MRAS: variants seen among roughly 807,000 people sequenced by gnomAD.
The protein encoded by MRAS is ras-related protein M-Ras.
In MRAS, 4 loss-of-function variants were observed where a neutral mutation model predicts 20.9. That is an observed-to-expected ratio of 0.19 (90% CI 0.09 to 0.44). The LOEUF (loss-of-function observed/expected upper bound fraction) is 0.44. Among genes scored for constraint, MRAS ranks in the 20% least tolerant of loss-of-function variants. The pLI, the probability that MRAS is intolerant of heterozygous loss-of-function variation, is 0.99. For missense variants in MRAS, 154 were observed against 277.5 expected (o/e 0.56, Z 3.16); for synonymous variants, 98 against 102.9 (o/e 0.95, Z 0.29).
intron 2 of MRAS, among the ~76,000 whole-genome samples, chr3:138,392,174 T>G (rs1055940710): frequency 1.3e-5 from 2 of 152,194 alleles, no homozygotes; most frequent in African/African-American, 4.8e-5. Flanking sequence ...TGTTCACTAT[T>G]GGAATGTAAA....
chr3:138,386,428 G>A (rs1389269166), intron 2 of MRAS, among the ~76,000 whole-genome samples: 1 of 152,226 alleles, frequency 6.6e-6, no homozygotes, highest in African/African-American at 2.4e-5. Context: ...TGCTGCTGCA[G>A]TGTGTATCAG....
intron 2 of MRAS, among the ~76,000 whole-genome samples, chr3:138,390,683 G>A (rs550242902): frequency 1.3e-5 from 2 of 152,158 alleles, no homozygotes; most frequent in South Asian, 2.1e-4. Context: ...GTGTGGAGGG[G>A]TGGGCTAGAC....
At chr3:138,394,511 T>C (rs253664) in intron 2 of MRAS, among the ~76,000 whole-genome samples, 128,673 of 152,132 alleles carry the variant, frequency 0.85, 54,682 homozygotes, top group East Asian at 0.98. Context: ...CAGGCATCGC[T>C]GGATAGCTTG....
At chr3:138,373,325 G>A (rs2054713982) in intron 2 of MRAS, among the ~76,000 whole-genome samples, 1 of 152,236 alleles carries the variant, frequency 6.6e-6, no homozygotes, top group Non-Finnish European at 1.5e-5. Context: ...TGCCAACTCA[G>A]TGATGTCATG....
intron 2 of MRAS, among the ~76,000 whole-genome samples, chr3:138,382,468 C>T (rs983322104): frequency 2.6e-5 from 4 of 152,190 alleles, no homozygotes; most frequent in Admixed American, 6.5e-5. Flanking sequence ...TCCAGGTGAG[C>T]GCAGCTGCTC....
intron 1 of MRAS, chr3:138,349,810 G>A (rs2054190613): frequency 6.6e-6 from 1 of 152,226 alleles, no homozygotes; most frequent in South Asian, 2.1e-4. Context: ...AAACTCCACT[G>A]TAATAACAGC....
chr3:138,400,793 TG>T (rs1160583284), intron 5 of MRAS, among the ~76,000 whole-genome samples, 180 bp downstream of exon 5: 1 of 152,180 alleles, frequency 6.6e-6, no homozygotes, highest in African/African-American at 2.4e-5. Flanking sequence ...CACCTACCTC[TG>T]CCCTCCCCGC....
At chr3:138,359,163 T>C (rs2054395587) in intron 1 of MRAS, among the ~76,000 whole-genome samples, 1 of 152,012 alleles carries the variant, frequency 6.6e-6, no homozygotes. Context: ...GGAGAAAAAA[T>C]GCAGCAGTCA....
At chr3:138,402,110 G>A (rs1430046999) in intron 5 of MRAS, 60 bp from the exon 6 acceptor site, 1 of 1,516,732 alleles carries the variant, frequency 6.6e-7, no homozygotes, top group Non-Finnish European at 9.1e-7. Flanking sequence ...GGAGGAGAGG[G>A]GCAGAGGAGA....
At chr3:138,389,793 T>C (rs1240893636) in intron 2 of MRAS, among the ~76,000 whole-genome samples, 2 of 151,984 alleles carry the variant, frequency 1.3e-5, no homozygotes, top group East Asian at 3.9e-4. Flanking sequence ...AGTGGGTGTG[T>C]ATAAAGCCTT....
intron 1 of MRAS, among the ~76,000 whole-genome samples, chr3:138,370,773 G>A (rs886849363): frequency 6.6e-5 from 10 of 152,130 alleles, no homozygotes; most frequent in African/African-American, 2.4e-4. Flanking sequence ...TATAATGCAT[G>A]CTTGTTGTAG....
At position 138,369,338 on chromosome 3, in the gene MRAS, C is replaced by T. The variant is rs1320703246; in HGVS notation, c.-18-3528C>T. On this transcript the variant is annotated intron_variant, in intron 1 of 5. Coordinates refer to ENST00000423968, the MANE Select transcript of MRAS (RefSeq NM_001085049.3). ...GTGGCAGGAACTTCAGGGCTCAAAG[C>T]GCAGGTGGAGGCAGTGCCTGGTGCT... Among the ~76,000 whole-genome samples the T allele has an allele frequency of 2.7e-4, 41 of 152,118 alleles. 1 individual carries two copies. The highest frequency in any genetic ancestry group is 2.5e-3 in the Admixed American group (38 of 15,272).
chr3:138,351,856 T>A (rs1338620171), intron 1 of MRAS, among the ~76,000 whole-genome samples: 1 of 152,188 alleles, frequency 6.6e-6, no homozygotes, highest in Non-Finnish European at 1.5e-5. Context: ...CAGGGAACGT[T>A]GATGTACAAA....
intron 1 of MRAS, among the ~76,000 whole-genome samples, chr3:138,365,628 C>G (rs1053526608): frequency 6.6e-6 from 1 of 152,220 alleles, no homozygotes; most frequent in African/African-American, 2.4e-5. Context: ...CTCCAGACAT[C>G]ACCAGGCAGG....
At chr3:138,389,151 C>T (rs915421590) in intron 2 of MRAS, among the ~76,000 whole-genome samples, 2 of 152,098 alleles carry the variant, frequency 1.3e-5, no homozygotes, top group African/African-American at 4.8e-5. Context: ...TGTGTCATAA[C>T]AGTTTGAAAG....
chr3:138,400,506 T>C (rs929568881), intron 4 of MRAS, 28 bp from the exon 5 acceptor site: 1 of 1,585,884 alleles, frequency 6.3e-7, no homozygotes, highest in Non-Finnish European at 8.7e-7. Flanking sequence ...TCTGTGCCAC[T>C]TTGATCAAGT....
chr3:138,383,981 C>T (rs938056036), intron 2 of MRAS, among the ~76,000 whole-genome samples: 2 of 152,130 alleles, frequency 1.3e-5, no homozygotes, highest in Admixed American at 1.3e-4. Context: ...GAAAGCTGCA[C>T]CTGTATCTGG....
intron 1 of MRAS, among the ~76,000 whole-genome samples, chr3:138,357,377 A>G (rs1254389455): frequency 6.6e-6 from 1 of 152,134 alleles, no homozygotes; most frequent in African/African-American, 2.4e-5. Flanking sequence ...CTGTCCCACT[A>G]CTTGTCTGTG....
At chr3:138,353,598 A>G (rs1283526574) in intron 1 of MRAS, among the ~76,000 whole-genome samples, 1 of 152,110 alleles carries the variant, frequency 6.6e-6, no homozygotes, top group African/African-American at 2.4e-5. Flanking sequence ...ACTTTCTTCA[A>G]CTGCTCTTCA....
Sources: gnomAD v4.1 joint callset for allele counts (sites outside exome capture counted in the v4.1 genomes callset) on GRCh38, gnomAD v4.1.1 for gene constraint, MANE v1.5 for transcripts, NCBI Gene and HGNC (gene_info 2026-07-23, HGNC 2026-07-21) for gene names.